The following TBC1D5 variants were observed in gnomAD, a reference collection of about 807,000 sequenced individuals.
TBC1D5 encodes the protein TBC1 domain family, member 5.
A neutral mutation model predicts 100.3 loss-of-function variants in TBC1D5; 75 were observed. The observed-to-expected ratio is 0.75, with a 90% CI of 0.62 to 0.91. The LOEUF (loss-of-function observed/expected upper bound fraction) is 0.91. Among genes scored for constraint, TBC1D5 ranks in the 40% least tolerant of loss-of-function variants. The pLI is 0.00. For missense variants in TBC1D5, 910 were observed against 942.4 expected (o/e 0.97, Z 0.45); for synonymous variants, 323 against 325.6 (o/e 0.99, Z 0.09).
At chr3:17,727,007 T>C (rs1464101552) in intron 1 of TBC1D5, among the ~76,000 whole-genome samples, 1 of 152,150 alleles carries the variant, frequency 6.6e-6, no homozygotes, top group Admixed American at 6.5e-5. Context: ...GATTCTGAAA[T>C]TAAGTCTTCA....
chr3:17,196,948 A>G (rs554843458), intron 18 of TBC1D5, among the ~76,000 whole-genome samples: 32 of 152,362 alleles, frequency 2.1e-4, no homozygotes, highest in Admixed American at 1.2e-3. Flanking sequence ...ATCATCCTCA[A>G]GAAATAATGG....
intron 5 of TBC1D5, among the ~76,000 whole-genome samples, chr3:17,405,508 TTTAA>T (rs2152442125): frequency 6.6e-6 from 1 of 152,138 alleles, no homozygotes; most frequent in South Asian, 2.1e-4. Context: ...ACAAATTTGA[TTTAA>T]TTTAGTTTAA....
intron 3 of TBC1D5, among the ~76,000 whole-genome samples, chr3:17,440,315 A>G (rs1044506514): frequency 3.3e-5 from 5 of 152,098 alleles, no homozygotes; most frequent in African/African-American, 1.2e-4. Flanking sequence ...TTATCCCCCA[A>G]AAAAAAACTC....
intron 20 of TBC1D5, 23 bp downstream of exon 21, chr3:17,167,726 T>C (rs1232655595): frequency 1.2e-6 from 2 of 1,611,126 alleles, no homozygotes; most frequent in East Asian, 4.5e-5. Flanking sequence ...CACAAAGAAA[T>C]AGTGTCAGAG....
intron 15 of TBC1D5, among the ~76,000 whole-genome samples, chr3:17,285,551 C>A (rs1303339755): frequency 6.6e-6 from 1 of 151,990 alleles, no homozygotes; most frequent in Non-Finnish European, 1.5e-5. Context: ...TGAGCCACCG[C>A]GCCCGGCCGG....
chr3:17,549,459 C>G (rs965906639), intron 2 of TBC1D5, among the ~76,000 whole-genome samples: 2 of 151,986 alleles, frequency 1.3e-5, no homozygotes, highest in Admixed American at 6.6e-5. Flanking sequence ...AAAACGAGTC[C>G]TTGTTCATTT....
intron 2 of TBC1D5, among the ~76,000 whole-genome samples, chr3:17,601,433 T>A (rs2060933355): frequency 2.0e-5 from 3 of 152,134 alleles, no homozygotes; most frequent in Admixed American, 2.0e-4. Flanking sequence ...ATCGCTTGAA[T>A]CCGGGAGGCG....
chr3:17,350,977 C>A (rs115402856), intron 13 of TBC1D5, among the ~76,000 whole-genome samples: 3 of 152,110 alleles, frequency 2.0e-5, no homozygotes, highest in African/African-American at 7.2e-5. Flanking sequence ...ATAAGTTATA[C>A]AAGACATGCA....
chr3:17,219,514 G>A (rs1260780201), intron 17 of TBC1D5, among the ~76,000 whole-genome samples: 1 of 146,922 alleles, frequency 6.8e-6, no homozygotes. Flanking sequence ...TACTTTTATT[G>A]AAAACTGGAC....
chr3:17,726,901 C>T lies in TBC1D5; in HGVS notation c.-101+12442G>A, dbSNP rs2076170615. Among the ~76,000 whole-genome samples, 3 of 152,268 alleles carry T rather than the reference C, an allele frequency of 2.0e-5. No individual in the cohort carries two copies. The South Asian group carries it at 6.2e-4, about 32-fold the overall frequency. On this transcript the variant is annotated intron_variant, in intron 1 of 21. Transcript: ENST00000253692. ...CGTAACACTGACAGCAAAGAATAAC[C>T]TCTTTACTCAACTTGATTCCACCAA...
intron 3 of TBC1D5, among the ~76,000 whole-genome samples, chr3:17,455,501 T>A (rs2095059108): frequency 8.1e-6 from 1 of 123,314 alleles, no homozygotes; most frequent in Non-Finnish European, 1.6e-5. Flanking sequence ...TGTATATATA[T>A]ATGTGTGTGT....
At chr3:17,261,066 A>G (rs2596648) in intron 15 of TBC1D5, among the ~76,000 whole-genome samples, 75,775 of 152,084 alleles carry the variant, frequency 0.5, 19,720 homozygotes, top group African/African-American at 0.64. Flanking sequence ...GTACACCACT[A>G]CATGGCTATA....
At chr3:17,617,706 C>T (rs1406250428) in intron 2 of TBC1D5, among the ~76,000 whole-genome samples, 3 of 152,132 alleles carry the variant, frequency 2.0e-5, no homozygotes, top group South Asian at 2.1e-4. Context: ...GAAGCTTGTG[C>T]GTGCATCACG....
At chr3:17,676,042 C>G (rs2068583870) in intron 1 of TBC1D5, among the ~76,000 whole-genome samples, 2 of 152,078 alleles carry the variant, frequency 1.3e-5, no homozygotes, top group South Asian at 4.1e-4. Flanking sequence ...TACAATGAAA[C>G]TCTCATGACT....
intron 3 of TBC1D5, among the ~76,000 whole-genome samples, chr3:17,442,777 G>C (rs1181926348): frequency 1.3e-5 from 2 of 152,170 alleles, no homozygotes; most frequent in African/African-American, 4.8e-5. Flanking sequence ...GCTGACACTG[G>C]AACCTCCACC....
At chr3:17,275,804 C>T (rs141543855) in intron 15 of TBC1D5, among the ~76,000 whole-genome samples, 35 of 152,184 alleles carry the variant, frequency 2.3e-4, no homozygotes, top group African/African-American at 7.7e-4. Context: ...GTGTAATTTC[C>T]AGGACCCCAG....
chr3:17,448,744 C>T lies in TBC1D5; in HGVS notation c.98-20225G>A, dbSNP rs548865929. 7.9e-5 allele frequency among the ~76,000 whole-genome samples: 12 copies of T among 152,272 alleles called. No individual in the cohort carries two copies. In the South Asian group the frequency reaches 2.3e-3, roughly 29 times the overall value. ...ATAAGCAAATGTACTAACATCCAGC[C>T]TTTACTGTTCTATTTACAGAGCACA... is the stretch of plus-strand genomic sequence containing the variant. On this transcript the variant is annotated intron_variant, in intron 3 of 21. Coordinates refer to ENST00000253692, the Ensembl canonical transcript of TBC1D5.
At chr3:17,634,599 G>C (rs1355237881) in intron 1 of TBC1D5, among the ~76,000 whole-genome samples, 1 of 148,158 alleles carries the variant, frequency 6.7e-6, no homozygotes, top group Non-Finnish European at 1.5e-5. Context: ...GGAAGGAATA[G>C]AGGGGACGTG....
intron 4 of TBC1D5, among the ~76,000 whole-genome samples, chr3:17,411,333 A>G (rs1367409830): frequency 6.6e-6 from 1 of 152,234 alleles, no homozygotes; most frequent in East Asian, 1.9e-4. Context: ...AACAAAAAAT[A>G]TCACGTGACT....
Sources: allele counts gnomAD v4.1 joint callset (sites outside exome capture counted in the v4.1 genomes callset), GRCh38; gene constraint gnomAD v4.1.1; transcripts MANE v1.5; gene names NCBI Gene and HGNC (gene_info 2026-07-23, HGNC 2026-07-21).